The following CDH5 variants were observed in gnomAD, a reference collection of about 807,000 sequenced individuals.
CDH5 encodes cadherin-5.
In CDH5, 28 loss-of-function variants were observed where a neutral mutation model predicts 62.0. The observed-to-expected ratio is 0.45, with a 90% CI of 0.33 to 0.62. The LOEUF is 0.62. Among genes scored for constraint, CDH5 ranks in the 20% least tolerant of loss-of-function variants. The probability of loss-of-function intolerance (pLI) is 0.02; values close to 1 mark genes in which losing one functional copy is unlikely to be tolerated. For missense variants in CDH5, 940 were observed against 1,065.1 expected, an observed-to-expected ratio of 0.88 and a Z score of 1.63; for synonymous variants, 464 against 445.8, an observed-to-expected ratio of 1.04 and a Z score of -0.52.
At chr16:66,387,739 G>A (rs942907050) in intron 3 of CDH5, among the ~76,000 whole-genome samples, 3 of 152,220 alleles carry the variant, frequency 2.0e-5, no homozygotes, top group Admixed American at 6.5e-5. Flanking sequence ...AAGGCAAAAG[G>A]ATTCATCTCT....
chr16:66,366,737 C>T lies in CDH5; in HGVS notation c.-41C>T, dbSNP rs1960593950. ...GACAGGCAGTCCAACGGAACAGAAA[C>T]ATCCCTCAGCCCACAGGCACGGTGA... On this transcript the variant is annotated 5_prime_UTR_variant, in exon 1 of 12. Coordinates refer to ENST00000341529, the MANE Select transcript of CDH5 (RefSeq NM_001795.5). 6.6e-6 allele frequency: 1 copy of T among 152,354 alleles called. No homozygotes were observed. Among genetic ancestry groups the T allele is most frequent in the Non-Finnish European group, 1.5e-5 (1 of 68,162 alleles). 9.4% of individuals were successfully genotyped at this position (152,354 alleles called of 1,614,324 possible).
intron 1 of CDH5, among the ~76,000 whole-genome samples, chr16:66,377,050 C>T (rs1413065353): frequency 6.6e-6 from 1 of 152,234 alleles, no homozygotes; most frequent in Admixed American, 6.5e-5. Flanking sequence ...CTTTGAGTCA[C>T]TTCTCACTTG....
At chr16:66,372,945 G>A (rs1476261051) in intron 1 of CDH5, among the ~76,000 whole-genome samples, 2 of 152,180 alleles carry the variant, frequency 1.3e-5, no homozygotes, top group Admixed American at 1.3e-4. Flanking sequence ...TCTGGGGACA[G>A]CAGCATCGAT....
chr16:66,384,278 G>A (rs1156810247), intron 2 of CDH5, among the ~76,000 whole-genome samples: 1 of 149,522 alleles, frequency 6.7e-6, no homozygotes, highest in Non-Finnish European at 1.5e-5. Context: ...ATTTTTAATA[G>A]AGATGGGGTT....
At chr16:66,396,666 A>T (rs973597351) in intron 8 of CDH5, among the ~76,000 whole-genome samples, 9 of 152,246 alleles carry the variant, frequency 5.9e-5, no homozygotes, top group African/African-American at 1.9e-4. Flanking sequence ...GTTAATAGGT[A>T]GAATTCAAAA....
chr16:66,370,061 C>T (rs748529697), intron 1 of CDH5, among the ~76,000 whole-genome samples: 4 of 152,070 alleles, frequency 2.6e-5, no homozygotes, highest in South Asian at 4.2e-4. Context: ...AGTGCAATGG[C>T]GCAATCTTGG....
At position 66,386,983 on chromosome 16, in the gene CDH5, G is replaced by C. The variant is rs200524377; in HGVS notation, c.385G>C (p.Glu129Gln). 8 of 1,614,152 alleles carry C rather than the reference G, an allele frequency of 5.0e-6. No individual in the cohort carries two copies. The Admixed American group carries it at 1.2e-4, about 24-fold the overall frequency. The change falls in exon 3 of 12, where the codon GAA becomes CAA. Residue 129 changes from glutamate (E) to glutamine (Q), a missense_variant. Physicochemically the swap from Glu to Gln is conservative, Grantham distance 29 (BLOSUM62 2). Transcript: ENST00000341529. ...TAVIVDKDTG[E>Q]NLETPSSFTI... ...TGTCATTGTGGACAAGGACACTGGC[G>C]AAAACCTGGAGACTCCTTCCAGCTT...
intron 6 of CDH5, among the ~76,000 whole-genome samples, chr16:66,391,358 T>C (rs1201739955): frequency 1.3e-5 from 2 of 152,062 alleles, no homozygotes; most frequent in Non-Finnish European, 2.9e-5. Flanking sequence ...AGCAATTACC[T>C]CTGCTAGGAG....
At position 66,379,148 on chromosome 16, in the gene CDH5, G is replaced by A. The variant is rs200205913; in HGVS notation, c.-19-171G>A. The A allele has an allele frequency of 7.1e-4, 135 of 190,052 alleles. 1 individual carries two copies. In the East Asian group the frequency reaches 0.014, roughly 20 times the overall value. 11.8% of individuals were successfully genotyped at this position (190,052 alleles called of 1,614,324 possible). On this transcript the variant is annotated intron_variant, in intron 1 of 11. Coordinates refer to ENST00000341529, the MANE Select transcript of CDH5 (RefSeq NM_001795.5). ...TTGTCCTAAAACCGACCTTTCATCC[G>A]AGTGCATGACTGCTCCCTGAAAGGG...
chr16:66,377,332 G>C (rs1173901822), intron 1 of CDH5: 1 of 152,296 alleles, frequency 6.6e-6, no homozygotes, highest in Non-Finnish European at 1.5e-5. Flanking sequence ...CTGAGGCCCA[G>C]AGGGGTCAGG....
intron 5 of CDH5, among the ~76,000 whole-genome samples, chr16:66,389,808 C>T (rs1799868636): frequency 6.6e-6 from 1 of 152,182 alleles, no homozygotes; most frequent in Admixed American, 6.5e-5. Context: ...CCATGAGACA[C>T]AAGCAGTTTC....
chr16:66,396,147 G>A lies in CDH5; in HGVS notation c.1306G>A (p.Glu436Lys). The A allele has an allele frequency of 1.9e-6, 3 of 1,614,234 alleles. No individual in the cohort carries two copies. The highest frequency in any genetic ancestry group is 2.5e-6 in the Non-Finnish European group (3 of 1,180,038). The change falls in exon 8 of 12, where the codon GAA becomes AAA. Residue 436 changes from glutamate to lysine, a missense_variant. Physicochemically the swap from Glu to Lys is moderately conservative, Grantham distance 56. Transcript: ENST00000341529. ...DIYNEKELDR[E>K]VYPWYNLTVE... is the part of the protein sequence containing the mutation. ...TTACAATGAGAAAGAACTGGACAGA[G>A]AAGTCTACCCCTGGTATAACCTGAC...
intron 2 of CDH5, among the ~76,000 whole-genome samples, chr16:66,383,660 C>T (rs1207468229): frequency 1.3e-5 from 2 of 152,112 alleles, no homozygotes; most frequent in Non-Finnish European, 2.9e-5. Context: ...ACTGTCCTCG[C>T]AGGTCACAGG....
At chr16:66,395,498 C>CTTCTCTTTTT (rs1961163895) in intron 7 of CDH5, 2 of 41,502 alleles carry the variant, frequency 4.8e-5, no homozygotes, top group Admixed American at 2.7e-4. Context: ...GGAAACTTTT[C>CTTCTCTTTTT]TTTTCTTTTT....
chr16:66,366,926 G>T (rs1031462801), intron 1 of CDH5, among the ~76,000 whole-genome samples, 168 bp downstream of exon 1: 3 of 152,234 alleles, frequency 2.0e-5, no homozygotes, highest in African/African-American at 7.2e-5. Context: ...GCAGGGTCGG[G>T]GAAGGTGCAC....
intron 3 of CDH5, among the ~76,000 whole-genome samples, chr16:66,387,432 C>T (rs554019484): frequency 1.5e-4 from 23 of 152,314 alleles, no homozygotes; most frequent in African/African-American, 4.8e-4. Context: ...TGGTCACAGA[C>T]CAAGCCCTGA....
rs1449661304 is a variant in CDH5, at chr16:66,404,131, C to A, written c.*962C>A. 6.5e-6 allele frequency: 1 copy of A among 152,798 alleles called. No individual in the cohort carries two copies. The highest frequency in any genetic ancestry group is 2.4e-5 in the African/African-American group (1 of 41,594). 9.5% of individuals were successfully genotyped at this position (152,798 alleles called of 1,614,324 possible). A position where few individuals can be genotyped will look rare whatever the true frequency, so the allele number is the denominator to read the frequency against. On this transcript the variant is annotated 3_prime_UTR_variant, in exon 12 of 12. Coordinates refer to ENST00000341529, the MANE Select transcript of CDH5 (RefSeq NM_001795.5). ...TTTCTTTTCTCTGTCTACTCCTTAT[C>A]CCTTGGTTTAGAGGAACCCAAGATG...
chr16:66,382,793 G>A (rs532527074), intron 2 of CDH5, among the ~76,000 whole-genome samples: 55 of 152,252 alleles, frequency 3.6e-4, no homozygotes, highest in Non-Finnish European at 7.1e-4. Flanking sequence ...GATCACCTCC[G>A]GCTCCTGAGG....
intron 2 of CDH5, among the ~76,000 whole-genome samples, chr16:66,384,090 T>TC (rs1184188821): frequency 7.2e-6 from 1 of 138,944 alleles, no homozygotes; most frequent in Non-Finnish European, 1.6e-5. Flanking sequence ...TTTTTTTTTT[T>TC]TTTTTTTTTT....
Sources: gnomAD v4.1 joint callset for allele counts (sites outside exome capture counted in the v4.1 genomes callset) on GRCh38, gnomAD v4.1.1 for gene constraint, MANE v1.5 for transcripts, NCBI Gene and HGNC (gene_info 2026-07-23, HGNC 2026-07-21) for gene names.